The following LRCH3 variants were observed in gnomAD, a reference collection of about 807,000 sequenced individuals.
LRCH3 encodes the protein leucine rich repeats and calponin homology domain containing 3.
A neutral mutation model predicts 104.5 loss-of-function variants in LRCH3; 68 were observed. The ratio of observed to expected loss-of-function variants is 0.65; its 90% confidence interval spans 0.54 to 0.80. LRCH3 has a LOEUF of 0.80. Ranked by LOEUF, LRCH3 falls within the 30% of genes least tolerant of loss-of-function variation. The pLI is 0.00. For synonymous variants in LRCH3, 344 were observed against 361.3 expected (o/e 0.95, Z 0.54); for missense variants, 951 against 953.9 (o/e 1.00, Z 0.04).
intron 10 of LRCH3, among the ~76,000 whole-genome samples, chr3:197,843,596 A>G (rs1224372400): frequency 6.6e-6 from 1 of 152,222 alleles, no homozygotes; most frequent in Non-Finnish European, 1.5e-5. Context: ...AGGCAGGAGA[A>G]TTGCTTGAAC....
intron 1 of LRCH3, among the ~76,000 whole-genome samples, chr3:197,809,600 C>CA (rs758895676): frequency 2.7e-5 from 4 of 150,150 alleles, no homozygotes; most frequent in Non-Finnish European, 3.0e-5. Flanking sequence ...TTTTTTCCCC[C>CA]AATCTGTTTT....
In LRCH3 at chr3:197,883,214, C is replaced by G; in HGVS notation, c.2209-327C>G. On this transcript the variant is annotated intron_variant, in intron 20 of 20. Transcript: ENST00000425562. The surrounding 1 kb of genome is among the most constrained non-coding windows in gnomAD (Gnocchi z 4.2). Reference sequence around the variant, plus strand: ...TGCCTATTTTATAGACCTGTATTGACCTTTTATTCATCAGGGATAAAGGAT... The same window carrying G: ...TGCCTATTTTATAGACCTGTATTGAGCTTTTATTCATCAGGGATAAAGGAT... 9.7e-7 allele frequency: 1 copy of G among 1,028,866 alleles called. No homozygotes were observed. The highest frequency in any genetic ancestry group is 9.6e-5 in the East Asian group (1 of 10,372). The allele number at this position is 1,028,866 out of a possible 1,614,324, so 63.7% of individuals were successfully genotyped here.
intron 1 of LRCH3, among the ~76,000 whole-genome samples, chr3:197,798,995 T>A (rs553511645): frequency 6.5e-4 from 99 of 152,262 alleles, no homozygotes; most frequent in Middle Eastern, 3.4e-3. Context: ...GAAGTTAGGT[T>A]AGACAGTACG....
intron 1 of LRCH3, among the ~76,000 whole-genome samples, chr3:197,806,798 C>A (rs563223871): frequency 6.6e-6 from 1 of 150,984 alleles, no homozygotes; most frequent in Non-Finnish European, 1.5e-5. Flanking sequence ...GTGATCCACC[C>A]GCCTCAGCCT....
intron 19 of LRCH3, among the ~76,000 whole-genome samples, chr3:197,872,085 C>T (rs568932932): frequency 1.2e-4 from 18 of 152,242 alleles, no homozygotes; most frequent in African/African-American, 3.9e-4. Context: ...AGGCTGGGCG[C>T]GGTGGCTCAT....
At chr3:197,855,806 A>G (rs1740170343) in intron 14 of LRCH3, among the ~76,000 whole-genome samples, 1 of 152,236 alleles carries the variant, frequency 6.6e-6, no homozygotes, top group Admixed American at 6.5e-5. Flanking sequence ...CTCAGTATTC[A>G]TATCTGATCC....
chr3:197,879,545 C>A (rs1292479794), intron 20 of LRCH3, among the ~76,000 whole-genome samples: 3 of 151,796 alleles, frequency 2.0e-5, no homozygotes, highest in Admixed American at 6.5e-5. Flanking sequence ...GCTCGGGAGG[C>A]TGAGGCGGGA....
At chr3:197,840,371 C>T (rs150731991) in intron 10 of LRCH3, among the ~76,000 whole-genome samples, 1,895 of 152,280 alleles carry the variant, frequency 0.012, 52 homozygotes, top group African/African-American at 0.044. Context: ...GCAGGATAAT[C>T]GCTTGAACCC....
At chr3:197,839,963 C>A (rs535370270) in intron 10 of LRCH3, among the ~76,000 whole-genome samples, 10 of 148,732 alleles carry the variant, frequency 6.7e-5, no homozygotes, top group African/African-American at 2.5e-4. Flanking sequence ...CAGAGTGAGA[C>A]CCTGTCTCAA....
At chr3:197,807,511 A>C (rs114576894) in intron 1 of LRCH3, among the ~76,000 whole-genome samples, 3 of 152,016 alleles carry the variant, frequency 2.0e-5, no homozygotes, top group Non-Finnish European at 4.4e-5. Context: ...GTGAGCCACC[A>C]TGCCCGGCCG....
At chr3:197,875,235 A>ACG (rs1712743265) in intron 19 of LRCH3, among the ~76,000 whole-genome samples, 1 of 152,132 alleles carries the variant, frequency 6.6e-6, no homozygotes, top group South Asian at 2.1e-4. Context: ...TGGCATTGCA[A>ACG]CAGTTCTTAT....
intron 14 of LRCH3, among the ~76,000 whole-genome samples, chr3:197,857,162 C>T (rs1225054761): frequency 2.1e-5 from 3 of 143,424 alleles, no homozygotes; most frequent in Non-Finnish European, 3.0e-5. Context: ...ACATTGTCTT[C>T]GGGCTACCTC....
rs1023964662 is a variant in LRCH3, at chr3:197,856,527, C to T, written c.1644+2082C>T. Among the ~76,000 whole-genome samples the T allele has an allele frequency of 4.6e-5, 7 of 151,904 alleles. No homozygotes were observed. The highest frequency in any genetic ancestry group is 1.3e-4 in the Admixed American group (2 of 15,238). On this transcript the variant is annotated intron_variant, in intron 14 of 20. Transcript: ENST00000425562. The surrounding 1 kb of genome is among the most constrained non-coding windows in gnomAD (Gnocchi z 4.2). ...TCAGCCTCTTGAGTAGCTGGGACTA[C>T]GGGTGCATGCACCACACGTGGCTAA... is the stretch of plus-strand genomic sequence containing the variant.
chr3:197,847,792 A>T, intron 11 of LRCH3, 80 bp from the exon 12 acceptor site: 1 of 1,450,250 alleles, frequency 6.9e-7, no homozygotes, highest in Non-Finnish European at 9.5e-7. Context: ...GGTCAACAGT[A>T]GTTCCCTAAA....
At chr3:197,853,264 G>A (rs112925379) in intron 13 of LRCH3, among the ~76,000 whole-genome samples, 3,533 of 151,612 alleles carry the variant, frequency 0.023, 164 homozygotes, top group African/African-American at 0.082. Flanking sequence ...ATACTGGCTC[G>A]CTGCAACCTC....
chr3:197,793,932 A>G (rs1413104816), intron 1 of LRCH3, among the ~76,000 whole-genome samples: 10 of 152,248 alleles, frequency 6.6e-5, no homozygotes, highest in African/African-American at 2.4e-4. Context: ...TTTAATGCCA[A>G]TGACATCATT....
Position 197,885,220 on chromosome 3 carries a change from T to G in LRCH3, c.*1554T>G, listed in dbSNP as rs1443902484. ...CAGACATCTGGGCCTGCAGACACAT[T>G]GCAGTTACAGCACATACACTTCTAG... On this transcript the variant is annotated 3_prime_UTR_variant, in exon 21 of 21. Transcript: ENST00000425562. 1 of 152,252 alleles carries G rather than the reference T, an allele frequency of 6.6e-6. No homozygotes were observed. The highest frequency in any genetic ancestry group is 1.9e-4 in the East Asian group (1 of 5,198). The allele number at this position is 152,252 out of a possible 1,614,324, so 9.4% of individuals were successfully genotyped here. A position where few individuals can be genotyped will look rare whatever the true frequency, so the allele number is the denominator to read the frequency against.
chr3:197,824,407 A>G lies in LRCH3; in HGVS notation c.641-2471A>G, dbSNP rs116205779. On this transcript the variant is annotated intron_variant, in intron 4 of 20. Coordinates refer to ENST00000425562, the MANE Select transcript of LRCH3 (RefSeq NM_001365715.1). Reference sequence around the variant, plus strand: ...GGAGGTAATAGTTTCTTATCTTTTTATATGCTTATTTTTATGTGTGTCTAT... The same window carrying G: ...GGAGGTAATAGTTTCTTATCTTTTTGTATGCTTATTTTTATGTGTGTCTAT... 9.4e-3 allele frequency among the ~76,000 whole-genome samples: 1,154 copies of G among 122,310 alleles called. 34 individuals are homozygous for G. The highest frequency in any genetic ancestry group is 0.034 in the African/African-American group (1,086 of 32,370). The allele number at this position is 122,310 out of a possible 152,430, so 80.2% of individuals were successfully genotyped here.
intron 1 of LRCH3, among the ~76,000 whole-genome samples, chr3:197,811,647 A>G (rs777438257): frequency 6.6e-5 from 10 of 152,216 alleles, no homozygotes; most frequent in Non-Finnish European, 1.5e-4. Flanking sequence ...TTGGACTGGA[A>G]TGAACCTTGG....
Sources: allele counts gnomAD v4.1 joint callset (sites outside exome capture counted in the v4.1 genomes callset), GRCh38; gene constraint gnomAD v4.1.1; non-coding constraint Gnocchi (gnomAD v3.1); transcripts MANE v1.5; gene names NCBI Gene and HGNC (gene_info 2026-07-23, HGNC 2026-07-21).